The following SRPK1 variants were observed in gnomAD, a reference collection of about 807,000 sequenced individuals.
SRPK1 encodes the protein SRSF protein kinase 1.
In SRPK1, 52 loss-of-function variants were observed where a neutral mutation model predicts 89.5. The ratio of observed to expected loss-of-function variants is 0.58; its 90% CI spans 0.46 to 0.73. The LOEUF is 0.73. SRPK1 is among the 30% of genes least tolerant of loss of function. The pLI is 0.00. For missense variants in SRPK1, 603 were observed against 780.6 expected, an observed-to-expected ratio of 0.77 and a Z score of 2.71; for synonymous variants, 255 against 270.2, an observed-to-expected ratio of 0.94 and a Z score of 0.55.
At chr6:35,836,725 A>G (rs1769186082) in intron 15 of SRPK1, among the ~76,000 whole-genome samples, 1 of 151,382 alleles carries the variant, frequency 6.6e-6, no homozygotes, top group South Asian at 2.1e-4. Context: ...ACTGTACTCC[A>G]GCCTGGGTGA....
intron 4 of SRPK1, 84 bp downstream of exon 4, chr6:35,888,731 G>A: frequency 1.1e-6 from 1 of 887,972 alleles, no homozygotes; most frequent in Non-Finnish European, 1.9e-6. Context: ...GAGATAGATT[G>A]AAGCCTGGAT....
At chr6:35,897,868 C>T (rs1044602301) in intron 2 of SRPK1, among the ~76,000 whole-genome samples, 6 of 152,092 alleles carry the variant, frequency 3.9e-5, no homozygotes, top group Admixed American at 3.9e-4. Context: ...AAATTAGACA[C>T]CTAAATGTCC....
chr6:35,864,046 T>C (rs1454983837), intron 12 of SRPK1, among the ~76,000 whole-genome samples: 3 of 152,100 alleles, frequency 2.0e-5, no homozygotes, highest in Admixed American at 6.6e-5. Flanking sequence ...CAAATCAAAA[T>C]AGATTAAAGA....
At chr6:35,920,334 T>C (rs767772485) in intron 2 of SRPK1, 134 bp downstream of exon 2, 7 of 926,418 alleles carry the variant, frequency 7.6e-6, no homozygotes, top group South Asian at 4.0e-5. Flanking sequence ...AGAGCGACCC[T>C]CCGAGCTGCC....
intron 6 of SRPK1, among the ~76,000 whole-genome samples, chr6:35,883,411 G>A (rs924440456): frequency 7.2e-5 from 11 of 151,748 alleles, no homozygotes; most frequent in Non-Finnish European, 1.5e-4. Context: ...AAATAAAAAA[G>A]CAATTAAATA....
chr6:35,911,649 T>C (rs1254173095), intron 2 of SRPK1, among the ~76,000 whole-genome samples: 1 of 151,954 alleles, frequency 6.6e-6, no homozygotes, highest in South Asian at 2.1e-4. Flanking sequence ...CAGGCTGGCC[T>C]TGAACTCCTG....
At chr6:35,909,373 T>G (rs1264605704) in intron 2 of SRPK1, among the ~76,000 whole-genome samples, 1 of 152,228 alleles carries the variant, frequency 6.6e-6, no homozygotes, top group Non-Finnish European at 1.5e-5. Flanking sequence ...CCATTTGGAA[T>G]GGGAACATTT....
chr6:35,880,254 A>G (rs1258571483), intron 6 of SRPK1, among the ~76,000 whole-genome samples: 3 of 152,146 alleles, frequency 2.0e-5, no homozygotes, highest in South Asian at 2.1e-4. Context: ...GAGGGATTCA[A>G]AGGCAGATTT....
At chr6:35,910,838 T>C (rs1770942978) in intron 2 of SRPK1, among the ~76,000 whole-genome samples, 1 of 152,232 alleles carries the variant, frequency 6.6e-6, no homozygotes, top group Non-Finnish European at 1.5e-5. Flanking sequence ...AAAGCCTAGA[T>C]GACAGAACAT....
At chr6:35,912,708 T>C (rs540960368) in intron 2 of SRPK1, among the ~76,000 whole-genome samples, 3 of 152,292 alleles carry the variant, frequency 2.0e-5, no homozygotes, top group African/African-American at 7.2e-5. Flanking sequence ...GCAAAAGAGC[T>C]TACCTAAAGT....
In SRPK1 at chr6:35,881,426, C is replaced by CATATAGATATAG. The variant is rs56083624; in HGVS notation, c.478+5286_478+5297dup. ...TATAACTTTGGTTTGGTAGAATACA[C>CATATAGATATAG]ATATAGATATAGATATAGATATAGA... On this transcript the variant is annotated intron_variant, in intron 6 of 15. Transcript: ENST00000373825. Among the ~76,000 whole-genome samples the CATATAGATATAG allele has an allele frequency of 4.1e-3, 610 of 147,204 alleles. 2 individuals are homozygous for CATATAGATATAG. Among genetic ancestry groups the CATATAGATATAG allele is most frequent in the East Asian group, 5.3e-3 (26 of 4,898 alleles).
chr6:35,899,945 G>A (rs1441950838), intron 2 of SRPK1, among the ~76,000 whole-genome samples: 1 of 151,132 alleles, frequency 6.6e-6, no homozygotes, highest in African/African-American at 2.4e-5. Flanking sequence ...AGGTTGCAGT[G>A]AGCTGGGATC....
chr6:35,888,976 T>G, intron 3 of SRPK1, 53 bp from the exon 4 acceptor site: 1 of 1,234,938 alleles, frequency 8.1e-7, no homozygotes, highest in African/African-American at 1.5e-5. Flanking sequence ...GAAACAATGG[T>G]AAGAAAAGGC....
intron 12 of SRPK1, among the ~76,000 whole-genome samples, chr6:35,859,150 T>C (rs1769724364): frequency 2.0e-5 from 3 of 152,178 alleles, no homozygotes; most frequent in South Asian, 4.1e-4. Flanking sequence ...AAAATTAGAT[T>C]ACATTGGGGA....
rs546836509 is a variant in SRPK1, at chr6:35,835,260, C to T, written c.*44G>A. On this transcript the variant is annotated 3_prime_UTR_variant, in exon 16 of 16. Coordinates refer to ENST00000373825, the MANE Select transcript of SRPK1 (RefSeq NM_003137.5). Reference sequence around the variant, plus strand: ...GAGGAAAATGCTTGAAGGGGAAGGGCGGAGGGTCAGTGTGTGATCTCTGCT... The same window carrying T: ...GAGGAAAATGCTTGAAGGGGAAGGGTGGAGGGTCAGTGTGTGATCTCTGCT... 2.2e-5 allele frequency: 34 copies of T among 1,521,386 alleles called. No individual in the cohort carries two copies. Among genetic ancestry groups the T allele is most frequent in the Admixed American group, 1.3e-4 (7 of 52,484 alleles). 94.2% of individuals were successfully genotyped at this position (1,521,386 alleles called of 1,614,324 possible). A position where few individuals can be genotyped will look rare whatever the true frequency, so the allele number is the denominator to read the frequency against.
intron 6 of SRPK1, among the ~76,000 whole-genome samples, chr6:35,885,729 C>A (rs370698553): frequency 6.6e-6 from 1 of 152,162 alleles, no homozygotes; most frequent in African/African-American, 2.4e-5. Flanking sequence ...AAGTAAGATT[C>A]GACTTCATCT....
intron 13 of SRPK1, among the ~76,000 whole-genome samples, chr6:35,851,672 T>C (rs920494173): frequency 2.0e-5 from 3 of 152,128 alleles, no homozygotes; most frequent in Admixed American, 6.5e-5. Flanking sequence ...AAATGTTACA[T>C]TTGAGATATT....
intron 13 of SRPK1, among the ~76,000 whole-genome samples, chr6:35,850,810 G>C (rs555685483): frequency 6.6e-6 from 1 of 152,310 alleles, no homozygotes; most frequent in Admixed American, 6.5e-5. Context: ...AAGTGATAAA[G>C]TGGGGGTTAT....
intron 7 of SRPK1, among the ~76,000 whole-genome samples, chr6:35,874,017 G>A (rs184524021): frequency 2.6e-4 from 39 of 149,990 alleles, no homozygotes; most frequent in Non-Finnish European, 4.9e-4. Flanking sequence ...TGAGTAGAGA[G>A]GAGGTTTCAC....
Sources: gnomAD v4.1 joint callset for allele counts (sites outside exome capture counted in the v4.1 genomes callset) on GRCh38, gnomAD v4.1.1 for gene constraint, MANE v1.5 for transcripts, NCBI Gene and HGNC (gene_info 2026-07-23, HGNC 2026-07-21) for gene names.